The following XKRX variants were observed in gnomAD, a reference collection of about 807,000 sequenced individuals.
XKRX encodes the protein XK-related protein 2.
A neutral mutation model predicts 22.4 loss-of-function variants in XKRX; 11 were observed. The observed-to-expected ratio is 0.49, with a 90% CI of 0.31 to 0.81. The LOEUF (loss-of-function observed/expected upper bound fraction) is 0.81. Among genes scored for constraint, XKRX ranks in the 40% least tolerant of loss-of-function variants. XKRX has a pLI of 0.05. For missense variants in XKRX, 320 were observed against 336.5 expected, an observed-to-expected ratio of 0.95 and a Z score of 0.38; for synonymous variants, 114 against 132.2, an observed-to-expected ratio of 0.86 and a Z score of 0.94.
Position 100,928,446 on chromosome X carries a change from G to A in XKRX, c.-142C>T. On this transcript the variant is annotated 5_prime_UTR_variant, in exon 1 of 3. Transcript: ENST00000372956. Reference sequence around the variant, plus strand: ...CCAGTTTGGGAACAGAGATTCACTAGTTAGAGCAAGAAACCGCTCTCTTCT... The same window carrying A: ...CCAGTTTGGGAACAGAGATTCACTAATTAGAGCAAGAAACCGCTCTCTTCT... 8.8e-7 allele frequency: 1 copy of A among 1,133,819 alleles called. No homozygotes were observed. The highest frequency in any genetic ancestry group is 2.3e-5 in the South Asian group (1 of 43,832). 93.4% of individuals were successfully genotyped at this position (1,133,819 alleles called of 1,213,427 possible).
the XKRX span, chrX:100,888,545 A>G: frequency 1.9e-5 from 11 of 568,574 alleles, no homozygotes; most frequent in Non-Finnish European, 3.3e-5. Flanking sequence ...TCCAATGAAG[A>G]GCTTCCTCAG....
the XKRX span, among the ~76,000 whole-genome samples, chrX:100,906,838 G>A: frequency 4.5e-5 from 5 of 111,350 alleles, no homozygotes; most frequent in Non-Finnish European, 7.5e-5. Context: ...CTGCTTTCTC[G>A]CATTCCTTGG....
the XKRX span, among the ~76,000 whole-genome samples, chrX:100,941,797 T>C: frequency 2.9e-4 from 32 of 112,067 alleles, no homozygotes; most frequent in Non-Finnish European, 3.9e-4. Flanking sequence ...CAAAAAGTGA[T>C]GGAATTTCTT....
chrX:100,954,509 T>C, the XKRX span, among the ~76,000 whole-genome samples: 1 of 111,549 alleles, frequency 9.0e-6, no homozygotes, highest in Non-Finnish European at 1.9e-5. Context: ...GATCTGGCAG[T>C]TCCTCAAAAG....
In XKRX at chrX:100,914,400, G is replaced by A. The variant is rs756345794; in HGVS notation, c.1288C>T (p.Arg430Trp). The A allele has an allele frequency of 7.9e-5, 95 of 1,210,117 alleles. No homozygotes were observed. Among genetic ancestry groups the A allele is most frequent in the Middle Eastern group, 2.3e-4 (1 of 4,373 alleles). Residue 430 changes from arginine (R) to tryptophan (W), a missense_variant, in exon 3 of 3, where the codon CGG (arginine) becomes TGG (tryptophan). By Grantham distance (101) the Arg-to-Trp change is moderately radical. Coordinates refer to ENST00000372956, the MANE Select transcript of XKRX (RefSeq NM_212559.3). ...LHCVCCHQHP[R>W]TRVENSEPPF... is the part of the protein sequence containing the mutation. ...GGCTCTGAGTTCTCAACCCTGGTCC[G>A]AGGGTGCTGGTGACAGCAGACACAA...
At chrX:100,907,030 CT>C in the XKRX span, among the ~76,000 whole-genome samples, 1 of 111,507 alleles carries the variant, frequency 9.0e-6, no homozygotes, top group African/African-American at 3.3e-5. Context: ...ATTCCCCCAG[CT>C]ATGTAACATA....
At chrX:100,925,961 A>G (rs1004422277) in intron 1 of XKRX, among the ~76,000 whole-genome samples, 1 of 111,851 alleles carries the variant, frequency 8.9e-6, no homozygotes, top group African/African-American at 3.2e-5. Context: ...AAGTTAGTGG[A>G]TCTGGCAATA....
At chrX:100,935,716 A>G in the XKRX span, among the ~76,000 whole-genome samples, 1 of 112,290 alleles carries the variant, frequency 8.9e-6, no homozygotes, top group East Asian at 2.8e-4. Context: ...TCAGATTTAC[A>G]TTGCAGTCTG....
the XKRX span, among the ~76,000 whole-genome samples, chrX:100,942,998 C>T: frequency 9.0e-6 from 1 of 111,689 alleles, no homozygotes; most frequent in African/African-American, 3.3e-5. Context: ...CAAAGCCTAG[C>T]TACAGGAGAC....
At chrX:100,924,365 G>A in intron 1 of XKRX, among the ~76,000 whole-genome samples, 2 of 111,453 alleles carry the variant, frequency 1.8e-5, no homozygotes, top group Admixed American at 1.9e-4. Context: ...TCCTGTTTGT[G>A]GACAAAAGCC....
chrX:100,888,678 A>G, the XKRX span: 1 of 348,940 alleles, frequency 2.9e-6, no homozygotes. Flanking sequence ...GTATCTGGAG[A>G]GGCTATTTTA....
At chrX:100,939,466 G>A in the XKRX span, among the ~76,000 whole-genome samples, 3 of 111,699 alleles carry the variant, frequency 2.7e-5, no homozygotes, top group Admixed American at 1.9e-4. Flanking sequence ...TTCCCTCCCC[G>A]CCCTTGACTT....
chrX:100,903,031 G>T, the XKRX span, among the ~76,000 whole-genome samples: 1 of 108,002 alleles, frequency 9.3e-6, no homozygotes, highest in African/African-American at 3.4e-5. Flanking sequence ...TTACAGTCGT[G>T]AGCCACCGCA....
chrX:100,940,442 A>G, the XKRX span, among the ~76,000 whole-genome samples: 2 of 111,510 alleles, frequency 1.8e-5, no homozygotes, highest in Admixed American at 1.9e-4. Flanking sequence ...TTCCAAGGGT[A>G]CCAGCCAGAA....
chrX:100,930,993 G>A (rs1317697139), upstream of XKRX, among the ~76,000 whole-genome samples: 1 of 109,481 alleles, frequency 9.1e-6, no homozygotes, highest in Non-Finnish European at 1.9e-5. Context: ...TTAGCTGGGC[G>A]TGGTGGTGGG....
upstream of XKRX, among the ~76,000 whole-genome samples, chrX:100,934,347 C>T (rs1421125581): frequency 9.0e-6 from 1 of 111,480 alleles, no homozygotes; most frequent in Non-Finnish European, 1.9e-5. Context: ...AAACTTGGGG[C>T]AGGCTGGCAG....
chrX:100,949,701 C>G, the XKRX span, among the ~76,000 whole-genome samples: 1 of 111,170 alleles, frequency 9.0e-6, no homozygotes, highest in Admixed American at 9.6e-5. Context: ...AACACAATAC[C>G]TAAAATGTCA....
chrX:100,907,612 T>C, the XKRX span, among the ~76,000 whole-genome samples: 1 of 111,802 alleles, frequency 8.9e-6, no homozygotes, highest in African/African-American at 3.3e-5. Flanking sequence ...TCCCCATAGA[T>C]GAAAATTTAA....
At chrX:100,887,190 G>A in the XKRX span, among the ~76,000 whole-genome samples, 1 of 111,487 alleles carries the variant, frequency 9.0e-6, no homozygotes, top group Non-Finnish European at 1.9e-5. Flanking sequence ...CAGGTTGTAT[G>A]TAAATTCCAA....
Sources: gnomAD v4.1 joint callset for allele counts (sites outside exome capture counted in the v4.1 genomes callset) on GRCh38, gnomAD v4.1.1 for gene constraint, MANE v1.5 for transcripts, NCBI Gene and HGNC (gene_info 2026-07-23, HGNC 2026-07-21) for gene names.